DLG2: variants seen among roughly 807,000 people sequenced by gnomAD.
DLG2 encodes the protein disks large homolog 2.
DLG2 carries 45 observed loss-of-function variants against 132.5 expected under a neutral mutation model. The ratio of observed to expected loss-of-function variants is 0.34; its 90% confidence interval spans 0.27 to 0.44. The LOEUF (loss-of-function observed/expected upper bound fraction) is 0.44, where lower values mean the gene tolerates loss of function less well. Among genes scored for constraint, DLG2 ranks in the 20% least tolerant of loss-of-function variants. DLG2 has a pLI of 1.00. For missense variants in DLG2, 1,045 were observed against 1,196.9 expected (o/e 0.87, Z 1.87); for synonymous variants, 424 against 419.6 (o/e 1.01, Z -0.13).
intron 6 of DLG2, among the ~76,000 whole-genome samples, chr11:85,101,559 T>C (rs1400857986): frequency 6.6e-6 from 1 of 152,118 alleles, no homozygotes; most frequent in African/African-American, 2.4e-5. Context: ...ATAAGTACTC[T>C]ATTCTTCCAG....
At chr11:85,217,057 A>C (rs2082662387) in intron 4 of DLG2, among the ~76,000 whole-genome samples, 1 of 152,112 alleles carries the variant, frequency 6.6e-6, no homozygotes, top group Non-Finnish European at 1.5e-5. Flanking sequence ...AACTCATAAG[A>C]CTTTTAAATA....
chr11:84,572,604 G>C (rs942447728), intron 6 of DLG2, among the ~76,000 whole-genome samples: 4 of 152,138 alleles, frequency 2.6e-5, no homozygotes, highest in Non-Finnish European at 5.9e-5. Flanking sequence ...AACACAGGGA[G>C]AGGCAAATTC....
At chr11:84,773,816 C>A (rs757752719) in intron 6 of DLG2, among the ~76,000 whole-genome samples, 2 of 152,062 alleles carry the variant, frequency 1.3e-5, no homozygotes, top group African/African-American at 4.8e-5. Context: ...CTATGACAAA[C>A]CCACAGCCAA....
chr11:83,627,949 T>G (rs1392078934), intron 19 of DLG2, among the ~76,000 whole-genome samples: 3 of 152,236 alleles, frequency 2.0e-5, no homozygotes, highest in Non-Finnish European at 4.4e-5. Context: ...TTGATTTGCA[T>G]TTCTCTGATG....
chr11:84,905,429 CTGAGA>C (rs1336942033), intron 6 of DLG2, among the ~76,000 whole-genome samples: 1 of 152,156 alleles, frequency 6.6e-6, no homozygotes, highest in Non-Finnish European at 1.5e-5. Flanking sequence ...CAATACACTT[CTGAGA>C]TATTTTAATT....
chr11:85,360,321 G>A (rs1326916272), intron 3 of DLG2, among the ~76,000 whole-genome samples: 2 of 152,132 alleles, frequency 1.3e-5, no homozygotes, highest in Non-Finnish European at 2.9e-5. Flanking sequence ...GCCTTTTTGT[G>A]CTTCCGTTTC....
At chr11:84,330,958 T>G (rs919322736) in intron 7 of DLG2, among the ~76,000 whole-genome samples, 12 of 152,254 alleles carry the variant, frequency 7.9e-5, no homozygotes, top group African/African-American at 2.9e-4. Context: ...TGCATTTGCC[T>G]TCTCTGTTCT....
At chr11:85,022,118 C>T (rs2060128170) in intron 6 of DLG2, among the ~76,000 whole-genome samples, 1 of 151,926 alleles carries the variant, frequency 6.6e-6, no homozygotes, top group Non-Finnish European at 1.5e-5. Context: ...TTATGGGACA[C>T]TTTCAAACAT....
At chr11:83,834,443 A>C (rs1372583141) in intron 16 of DLG2, among the ~76,000 whole-genome samples, 1 of 152,136 alleles carries the variant, frequency 6.6e-6, no homozygotes, top group East Asian at 1.9e-4. Flanking sequence ...GCAACATGAG[A>C]GAGGAAATTT....
At chr11:83,803,998 G>C (rs2045230139) in intron 17 of DLG2, among the ~76,000 whole-genome samples, 1 of 151,930 alleles carries the variant, frequency 6.6e-6, no homozygotes, top group African/African-American at 2.4e-5. Flanking sequence ...TGTGTATCTT[G>C]GCATCTGGCT....
rs990713771 is a variant in DLG2 at position 84,823,884 on chromosome 11, A to G, written c.357+287777T>C. On this transcript the variant is annotated intron_variant, in intron 6 of 27. Transcript: ENST00000376104. Reference sequence around the variant, plus strand: ...AATATAAAATTGGTAGCATGACTATATAAGATATAAAAATATAAAAAGGTG... The same window carrying G: ...AATATAAAATTGGTAGCATGACTATGTAAGATATAAAAATATAAAAAGGTG... 3.3e-5 allele frequency among the ~76,000 whole-genome samples: 5 copies of G among 151,990 alleles called. No individual in the cohort carries two copies. The East Asian group carries it at 9.8e-4, about 30-fold the overall frequency.
chr11:84,948,908 T>G (rs2050571335), intron 6 of DLG2, among the ~76,000 whole-genome samples: 1 of 152,180 alleles, frequency 6.6e-6, no homozygotes, highest in Non-Finnish European at 1.5e-5. Context: ...GTATGAGAAA[T>G]TCCTAGCAGA....
intron 17 of DLG2, among the ~76,000 whole-genome samples, chr11:83,812,123 G>A (rs938219839): frequency 2.0e-5 from 3 of 151,994 alleles, no homozygotes; most frequent in South Asian, 2.1e-4. Context: ...ACTCTTCTTC[G>A]TAGCCACATG....
At chr11:83,627,192 TTTTA>T (rs1285832483) in intron 19 of DLG2, among the ~76,000 whole-genome samples, 16 of 151,942 alleles carry the variant, frequency 1.1e-4, no homozygotes, top group Non-Finnish European at 1.9e-4. Context: ...TTTATTTATT[TTTTA>T]TTTATTTATT....
chr11:84,582,054 G>C (rs914595758), intron 6 of DLG2, among the ~76,000 whole-genome samples: 17 of 152,022 alleles, frequency 1.1e-4, no homozygotes, highest in African/African-American at 3.6e-4. Flanking sequence ...AAAGCGGCAG[G>C]ACTATGATTT....
chr11:84,284,848 T>C (rs1246188762), intron 7 of DLG2, among the ~76,000 whole-genome samples: 4 of 152,212 alleles, frequency 2.6e-5, no homozygotes, highest in African/African-American at 9.7e-5. Flanking sequence ...GTGTTAATCA[T>C]ATTTATCAGC....
At chr11:84,050,024 C>A (rs1349460194) in intron 11 of DLG2, among the ~76,000 whole-genome samples, 1 of 151,660 alleles carries the variant, frequency 6.6e-6, no homozygotes, top group Admixed American at 6.6e-5. Flanking sequence ...GGGCAGCTCA[C>A]CTGCATCAGG....
At chr11:84,082,386 T>G (rs1249308214) in intron 10 of DLG2, among the ~76,000 whole-genome samples, 1 of 152,160 alleles carries the variant, frequency 6.6e-6, no homozygotes, top group Non-Finnish European at 1.5e-5. Context: ...ATGTCCGTAT[T>G]TTTCAAATTT....
At chr11:83,884,363 A>C (rs999009910) in intron 15 of DLG2, among the ~76,000 whole-genome samples, 1 of 152,150 alleles carries the variant, frequency 6.6e-6, no homozygotes, top group Non-Finnish European at 1.5e-5. Flanking sequence ...TCTGAGATTA[A>C]ACTGTAAGGC....
Sources: allele counts gnomAD v4.1 joint callset (sites outside exome capture counted in the v4.1 genomes callset), GRCh38; gene constraint gnomAD v4.1.1; transcripts MANE v1.5; gene names NCBI Gene and HGNC (gene_info 2026-07-23, HGNC 2026-07-21).